The following CRCP variants were observed in gnomAD, a reference collection of about 807,000 sequenced individuals.
CRCP encodes CGRP receptor component.
Under a neutral mutation model 18.5 loss-of-function variants are expected in CRCP, and 18 were observed. That is an observed-to-expected ratio of 0.97 (90% CI 0.67 to 1.44). The LOEUF (loss-of-function observed/expected upper bound fraction) is 1.44. Ranked by LOEUF, CRCP falls within the 40% of genes most tolerant of loss-of-function variation. The probability of loss-of-function intolerance (pLI) is 0.00; values close to 1 mark genes in which losing one functional copy is unlikely to be tolerated. For synonymous variants in CRCP, 53 were observed against 62.9 expected (o/e 0.84, Z 0.75); for missense variants, 130 against 176.4 (o/e 0.74, Z 1.49).
intron 5 of CRCP, among the ~76,000 whole-genome samples, chr7:66,148,726 C>A (rs1188263490): frequency 6.6e-6 from 1 of 152,206 alleles, no homozygotes; most frequent in Non-Finnish European, 1.5e-5. Flanking sequence ...AATCCTGTGA[C>A]CTCACAGGCC....
chr7:66,148,395 C>T (rs543720358), intron 5 of CRCP, among the ~76,000 whole-genome samples: 2 of 152,302 alleles, frequency 1.3e-5, no homozygotes, highest in African/African-American at 4.8e-5. Context: ...TAAAAGGTTT[C>T]ACTTACAGTG....
chr7:66,149,988 A>G (rs1041693452), intron 5 of CRCP, among the ~76,000 whole-genome samples: 2 of 152,042 alleles, frequency 1.3e-5, no homozygotes, highest in Admixed American at 6.5e-5. Flanking sequence ...TTGTATTTTT[A>G]GTAGAGACGG....
intron 1 of CRCP, chr7:66,119,870 A>G (rs1486673323): frequency 6.6e-6 from 1 of 152,200 alleles, no homozygotes; most frequent in East Asian, 1.9e-4. Context: ...AGTACATGTC[A>G]GCAACAATGT....
chr7:66,149,737 A>T (rs1788399056), intron 5 of CRCP, among the ~76,000 whole-genome samples: 1 of 152,178 alleles, frequency 6.6e-6, no homozygotes. Context: ...AACTTTCAGA[A>T]ATAAAAAACT....
At chr7:66,124,304 G>A (rs561056418) in intron 1 of CRCP, among the ~76,000 whole-genome samples, 16 of 151,734 alleles carry the variant, frequency 1.1e-4, no homozygotes, top group African/African-American at 3.4e-4. Context: ...AGCTTGCAGC[G>A]AGCCGAGATC....
intron 5 of CRCP, among the ~76,000 whole-genome samples, chr7:66,146,180 A>G (rs866856984): frequency 1.3e-5 from 2 of 152,132 alleles, no homozygotes; most frequent in African/African-American, 2.4e-5. Context: ...ATCTAAAACC[A>G]TGAATGTGAT....
At chr7:66,148,122 G>A (rs1788353172) in intron 5 of CRCP, among the ~76,000 whole-genome samples, 1 of 152,078 alleles carries the variant, frequency 6.6e-6, no homozygotes, top group Admixed American at 6.6e-5. Flanking sequence ...AGTACTTTAA[G>A]AGACCGAGGT....
At chr7:66,120,243 G>T (rs1584057925) in intron 1 of CRCP, among the ~76,000 whole-genome samples, 1 of 152,180 alleles carries the variant, frequency 6.6e-6, no homozygotes, top group South Asian at 2.1e-4. Flanking sequence ...TTCATTTGAG[G>T]TTGGTTGAAT....
intron 4 of CRCP, among the ~76,000 whole-genome samples, chr7:66,137,112 C>T (rs1255234868): frequency 6.6e-6 from 1 of 151,774 alleles, no homozygotes; most frequent in African/African-American, 2.4e-5. Context: ...AATTTAAGAT[C>T]AGTCAAAGGT....
chr7:66,150,007 T>C (rs894429572), intron 5 of CRCP, among the ~76,000 whole-genome samples: 3 of 151,972 alleles, frequency 2.0e-5, no homozygotes, highest in Admixed American at 6.6e-5. Context: ...GGGGTTTCAC[T>C]GTGTTAGCCA....
chr7:66,124,640 G>A (rs866882929), intron 1 of CRCP, among the ~76,000 whole-genome samples: 3 of 151,922 alleles, frequency 2.0e-5, no homozygotes, highest in East Asian at 1.9e-4. Flanking sequence ...GTCTCAGCCC[G>A]GAGTAGCTGG....
intron 2 of CRCP, among the ~76,000 whole-genome samples, chr7:66,129,150 G>A (rs752982558): frequency 5.3e-5 from 8 of 152,030 alleles, no homozygotes; most frequent in Non-Finnish European, 7.4e-5. Context: ...TGGCTAACAC[G>A]GTGAAACCCC....
At chr7:66,142,211 C>G (rs1788161321) in intron 4 of CRCP, among the ~76,000 whole-genome samples, 1 of 152,118 alleles carries the variant, frequency 6.6e-6, no homozygotes, top group East Asian at 1.9e-4. Flanking sequence ...GAACATGAGC[C>G]CCTTTGCTGG....
intron 1 of CRCP, among the ~76,000 whole-genome samples, chr7:66,118,619 C>G (rs949454981): frequency 6.6e-6 from 1 of 152,204 alleles, no homozygotes; most frequent in Non-Finnish European, 1.5e-5. Context: ...CACAGATGCT[C>G]AAGTCCCTGA....
chr7:66,148,906 G>GC (rs1248254716), intron 5 of CRCP, among the ~76,000 whole-genome samples: 2 of 152,334 alleles, frequency 1.3e-5, no homozygotes, highest in Middle Eastern at 3.4e-3. Context: ...AATTTAGAAA[G>GC]CCAGATTCAG....
intron 4 of CRCP, among the ~76,000 whole-genome samples, chr7:66,141,492 G>A (rs1297409170): frequency 6.6e-6 from 1 of 152,148 alleles, no homozygotes; most frequent in Non-Finnish European, 1.5e-5. Flanking sequence ...AGGCCTGGGT[G>A]AGGACGTCAG....
At chr7:66,114,999 G>A (rs1299757532) in intron 1 of CRCP, 29 bp downstream of exon 1, 1 of 1,604,852 alleles carries the variant, frequency 6.2e-7, no homozygotes, top group African/African-American at 1.3e-5. Flanking sequence ...GTCCCTTTTC[G>A]CCCGAGGAGC....
chr7:66,127,706 AG>A lies in CRCP; in HGVS notation c.13del (p.Asp5MetfsTer16). On this transcript the variant is annotated frameshift_variant, in exon 2 of 6. Transcript: ENST00000395326. LOFTEE classifies it high-confidence loss of function. MEV[K>X]DANSALLSNY... Reference sequence around the variant, plus strand: ...GATAGCTTACTTTTCTTTTTCAGGAAGGATGCCAATTCTGCGCTTCTCAGTA... The same window carrying A: ...GATAGCTTACTTTTCTTTTTCAGGAAGATGCCAATTCTGCGCTTCTCAGTA... 1.2e-6 allele frequency: 2 copies of A among 1,614,166 alleles called. No individual in the cohort carries two copies. The highest frequency in any genetic ancestry group is 2.2e-5 in the South Asian group (2 of 91,070).
chr7:66,132,253 G>T lies in CRCP; in HGVS notation c.144+1411G>T, dbSNP rs187138880. Among the ~76,000 whole-genome samples, 29 of 152,244 alleles carry T rather than the reference G, an allele frequency of 1.9e-4. 1 individual carries two copies. In the East Asian group the frequency reaches 5.6e-3, roughly 29 times the overall value. Reference sequence around the variant, plus strand: ...CCCTGTTTTCCCATTGCTGTCTTCTGGGTTCCAGGATTCAGTTCAGGATAC... The same window carrying T: ...CCCTGTTTTCCCATTGCTGTCTTCTTGGTTCCAGGATTCAGTTCAGGATAC... On this transcript the variant is annotated intron_variant, in intron 3 of 5. Coordinates refer to ENST00000395326, the MANE Select transcript of CRCP (RefSeq NM_014478.5).
Sources: allele counts gnomAD v4.1 joint callset (sites outside exome capture counted in the v4.1 genomes callset), GRCh38; gene constraint gnomAD v4.1.1; transcripts MANE v1.5; gene names NCBI Gene and HGNC (gene_info 2026-07-23, HGNC 2026-07-21).